Variants in TMPRSS4 observed in about 807,000 individuals in gnomAD.
The protein encoded by TMPRSS4 is transmembrane protease serine 4.
In TMPRSS4, 45 loss-of-function variants were observed where a neutral mutation model predicts 56.4. That is an observed-to-expected ratio of 0.80 (90% CI 0.63 to 1.02). The LOEUF is 1.02. Among genes scored for constraint, TMPRSS4 ranks in the 50% least tolerant of loss-of-function variants. The pLI, the probability that TMPRSS4 is intolerant of heterozygous loss-of-function variation, is 0.00. For missense variants in TMPRSS4, 546 were observed against 556.7 expected (o/e 0.98, Z 0.19); for synonymous variants, 205 against 211.0 (o/e 0.97, Z 0.25).
intron 1 of TMPRSS4, among the ~76,000 whole-genome samples, chr11:118,089,017 C>A (rs1264087811): frequency 6.6e-6 from 1 of 152,090 alleles, no homozygotes; most frequent in Non-Finnish European, 1.5e-5. Flanking sequence ...TCTCTCAGAC[C>A]CATTCTCTCC....
chr11:118,106,935 G>T (rs1266800731), intron 5 of TMPRSS4: 1 of 152,196 alleles, frequency 6.6e-6, no homozygotes, highest in South Asian at 2.1e-4. Flanking sequence ...GTCCTCCCAG[G>T]TCTGAGACTT....
intron 2 of TMPRSS4, among the ~76,000 whole-genome samples, chr11:118,097,512 G>C (rs576299033): frequency 6.6e-6 from 1 of 152,176 alleles, no homozygotes; most frequent in East Asian, 1.9e-4. Context: ...ATCTCCCCCA[G>C]GGCAGAAGTC....
At position 118,111,812 on chromosome 11, in the gene TMPRSS4, C is replaced by G. The variant is rs1484944206; in HGVS notation, c.655C>G (p.Gln219Glu). The change falls in exon 8 of 13, where the codon CAG (glutamine) becomes GAG (glutamate). Residue 219 changes from glutamine (Q) to glutamate (E), a missense_variant. By Grantham distance (29) the Gln-to-Glu change is conservative. Transcript: ENST00000437212. ...EEASVDSWPW[Q>E]VSIQYDKQHV... ...GGCCTCTGTGGATTCTTGGCCTTGG[C>G]AGGTCAGCATCCAGTACGACAAACA... 3 of 1,605,126 alleles carry G rather than the reference C, an allele frequency of 1.9e-6. No individual in the cohort carries two copies. Among genetic ancestry groups the G allele is most frequent in the Non-Finnish European group, 2.6e-6 (3 of 1,176,194 alleles).
At chr11:118,083,989 G>A (rs1310091265) in intron 1 of TMPRSS4, among the ~76,000 whole-genome samples, 1 of 152,146 alleles carries the variant, frequency 6.6e-6, no homozygotes, top group Non-Finnish European at 1.5e-5. Context: ...AGTGAGCCGA[G>A]ACAGCGCCAC....
At chr11:118,088,662 G>A (rs1945751003) in intron 1 of TMPRSS4, among the ~76,000 whole-genome samples, 1 of 152,224 alleles carries the variant, frequency 6.6e-6, no homozygotes, top group South Asian at 2.1e-4. Context: ...GAGAAGACAG[G>A]CCTGGCCCAG....
At chr11:118,102,774 G>C (rs1946781386) in intron 3 of TMPRSS4, among the ~76,000 whole-genome samples, 1 of 152,212 alleles carries the variant, frequency 6.6e-6, no homozygotes, top group Non-Finnish European at 1.5e-5. Context: ...TGGGTCTTCA[G>C]ACTCCGGGTT....
chr11:118,104,999 G>A (rs1565432036), intron 5 of TMPRSS4, among the ~76,000 whole-genome samples, 179 bp downstream of exon 5: 1 of 152,228 alleles, frequency 6.6e-6, no homozygotes, highest in East Asian at 1.9e-4. Flanking sequence ...TAAGCCTCAG[G>A]TTCCTCAGGA....
chr11:118,107,715 C>A, intron 5 of TMPRSS4, 59 bp from the exon 6 acceptor site: 5 of 1,461,872 alleles, frequency 3.4e-6, no homozygotes, highest in Non-Finnish European at 3.8e-6. Flanking sequence ...CCAACTCTAC[C>A]ATCTTGTTCT....
At chr11:118,093,307 A>G (rs1215716691) in intron 1 of TMPRSS4, among the ~76,000 whole-genome samples, 1 of 152,222 alleles carries the variant, frequency 6.6e-6, no homozygotes, top group Non-Finnish European at 1.5e-5. Flanking sequence ...TCCCAAGAGG[A>G]ACAGAAAAAA....
chr11:118,117,955 G>A lies in TMPRSS4; in HGVS notation c.*42G>A, dbSNP rs1487775581. ...CAGTGCTGGGAGCCGCTTCCTTCCT[G>A]CCCTGCCCACCTGGGGATCCCCCAA... On this transcript the variant is annotated 3_prime_UTR_variant, in exon 13 of 13. Coordinates refer to ENST00000437212, the MANE Select transcript of TMPRSS4 (RefSeq NM_019894.4). The A allele has an allele frequency of 1.8e-5, 29 of 1,612,108 alleles. No individual in the cohort carries two copies. Among genetic ancestry groups the A allele is most frequent in the Non-Finnish European group, 2.2e-5 (26 of 1,179,996 alleles).
At chr11:118,125,355 G>C (rs1947868294), downstream of TMPRSS4, 1 of 456,706 alleles carries the variant, frequency 2.2e-6, no homozygotes, top group Non-Finnish European at 4.4e-6. Context: ...TCAGCAACCA[G>C]CTGTACCGCT....
chr11:118,123,281 A>G (rs1053617565), downstream of TMPRSS4, among the ~76,000 whole-genome samples: 1 of 152,184 alleles, frequency 6.6e-6, no homozygotes, highest in African/African-American at 2.4e-5. Context: ...GTTCCTCCCA[A>G]CGTGAATATG....
intron 4 of TMPRSS4, 64 bp downstream of exon 4, chr11:118,103,317 G>A (rs538765346): frequency 5.5e-5 from 87 of 1,570,710 alleles, no homozygotes; most frequent in Middle Eastern, 4.6e-4. Context: ...AGGCCCCCAC[G>A]GCCCACTGCA....
At chr11:118,104,912 T>G (rs11216756) in intron 5 of TMPRSS4, 92 bp downstream of exon 5, 8 of 1,363,990 alleles carry the variant, frequency 5.9e-6, no homozygotes, top group Non-Finnish European at 6.8e-6. Context: ...TTCCTAAAAA[T>G]TACGGGCATT....
chr11:118,102,642 G>A (rs1308346532), intron 3 of TMPRSS4, among the ~76,000 whole-genome samples: 1 of 152,216 alleles, frequency 6.6e-6, no homozygotes, highest in Non-Finnish European at 1.5e-5. Flanking sequence ...TTGGGAGGCA[G>A]AGGCTACAGT....
intron 4 of TMPRSS4, 114 bp from the exon 5 acceptor site, chr11:118,104,577 G>C: frequency 4.6e-6 from 7 of 1,515,450 alleles, no homozygotes; most frequent in Non-Finnish European, 5.4e-6. Context: ...TTGGGGCTCT[G>C]TGGCACCCCC....
rs749979292 is a variant in TMPRSS4, at chr11:118,096,846, GGAAAGAAAGAAAGAAAGAAAGAAAGAAA to G, written c.43+2029_43+2056del. ...AAGAGAGAAAGAAAGAAGGAAAGAA[GGAAAGAAAGAAAGAAAGAAAGAAAGAAA>G]GAAAGAAAGAAAGAAAGAAAGAAAG... On this transcript the variant is annotated intron_variant, in intron 2 of 12. Coordinates refer to ENST00000437212, the MANE Select transcript of TMPRSS4 (RefSeq NM_019894.4). 8.3e-5 allele frequency among the ~76,000 whole-genome samples: 3 copies of G among 36,292 alleles called. 1 individual carries two copies. The highest frequency in any genetic ancestry group is 2.6e-4 in the African/African-American group (2 of 7,582). The allele number at this position is 36,292 out of a possible 152,430, so 23.8% of individuals were successfully genotyped here. A position where few individuals can be genotyped will look rare whatever the true frequency, so the allele number is the denominator to read the frequency against.
intron 11 of TMPRSS4, among the ~76,000 whole-genome samples, chr11:118,116,731 T>TTTTTTA (rs1555091879): frequency 1.3e-5 from 2 of 150,464 alleles, no homozygotes; most frequent in African/African-American, 5.0e-5. Context: ...TTTTTTTTTT[T>TTTTTTA]GAGACTGAGT....
chr11:118,090,829 C>CAA (rs1945898518), intron 1 of TMPRSS4, among the ~76,000 whole-genome samples: 1 of 151,616 alleles, frequency 6.6e-6, no homozygotes. Flanking sequence ...CAAACACACA[C>CAA]ACACACACAC....
Sources: gnomAD v4.1 joint callset for allele counts (sites outside exome capture counted in the v4.1 genomes callset) on GRCh38, gnomAD v4.1.1 for gene constraint, MANE v1.5 for transcripts, NCBI Gene and HGNC (gene_info 2026-07-23, HGNC 2026-07-21) for gene names.